The following EPS15 variants were observed in gnomAD, a reference collection of about 807,000 sequenced individuals.
EPS15 encodes the protein epidermal growth factor receptor pathway substrate 15.
A neutral mutation model predicts 113.8 loss-of-function variants in EPS15; 72 were observed. That is an observed-to-expected ratio of 0.63 (90% CI 0.52 to 0.77). The LOEUF is 0.77. Among genes scored for constraint, EPS15 ranks in the 30% least tolerant of loss-of-function variants. EPS15 has a pLI of 0.00. For missense variants in EPS15, 1,048 were observed against 1,045.8 expected (o/e 1.00, Z -0.03); for synonymous variants, 344 against 363.4 (o/e 0.95, Z 0.61).
intron 21 of EPS15, among the ~76,000 whole-genome samples, chr1:51,377,511 C>T (rs532506232): frequency 3.9e-5 from 6 of 152,212 alleles, no homozygotes; most frequent in Admixed American, 2.0e-4. Context: ...GTTGCCTCTA[C>T]AGATAAGAAA....
chr1:51,445,832 C>G (rs546683806), intron 10 of EPS15, among the ~76,000 whole-genome samples: 166 of 152,290 alleles, frequency 1.1e-3, no homozygotes, highest in Non-Finnish European at 2.1e-3. Context: ...TTAGTTTCCT[C>G]ATCTATAAAG....
rs1646209834 is a variant in EPS15, at chr1:51,355,992, C to A, written c.*708G>T. On this transcript the variant is annotated 3_prime_UTR_variant, in exon 25 of 25. Transcript: ENST00000371733. Reference sequence around the variant, plus strand: ...TGATTTTTATTAATTAGCAAACACACTGAGAGGTATCTGTTGATCTAAAAT... The same window carrying A: ...TGATTTTTATTAATTAGCAAACACAATGAGAGGTATCTGTTGATCTAAAAT... 1 of 193,004 alleles carries A rather than the reference C, an allele frequency of 5.2e-6. No individual in the cohort carries two copies. Among genetic ancestry groups the A allele is most frequent in the South Asian group, 1.9e-4 (1 of 5,174 alleles). The allele number at this position is 193,004 out of a possible 1,614,324, so 12.0% of individuals were successfully genotyped here. A position where few individuals can be genotyped will look rare whatever the true frequency, so the allele number is the denominator to read the frequency against.
intron 21 of EPS15, among the ~76,000 whole-genome samples, chr1:51,388,556 T>C (rs908601881): frequency 2.0e-5 from 3 of 151,924 alleles, no homozygotes; most frequent in Admixed American, 6.6e-5. Flanking sequence ...ATCAACGAAA[T>C]TGATAGACCG....
intron 24 of EPS15, 130 bp downstream of exon 24, chr1:51,361,041 G>A (rs1646373170): frequency 5.7e-6 from 4 of 696,932 alleles, no homozygotes; most frequent in Non-Finnish European, 9.6e-6. Flanking sequence ...TTGCTTGGGG[G>A]AAGAATGAAA....
intron 21 of EPS15, among the ~76,000 whole-genome samples, chr1:51,385,618 C>T (rs189841940): frequency 2.0e-5 from 3 of 152,272 alleles, no homozygotes; most frequent in Admixed American, 6.5e-5. Context: ...TTCACAGTAG[C>T]ATTATGCACA....
At chr1:51,479,044 A>C (rs1052139310) in intron 2 of EPS15, among the ~76,000 whole-genome samples, 5 of 152,278 alleles carry the variant, frequency 3.3e-5, no homozygotes, top group East Asian at 1.9e-4. Context: ...TAATATCCTG[A>C]AGAGTGTTTT....
At chr1:51,387,048 A>C (rs1397642019) in intron 21 of EPS15, among the ~76,000 whole-genome samples, 1 of 152,182 alleles carries the variant, frequency 6.6e-6, no homozygotes, top group Non-Finnish European at 1.5e-5. Flanking sequence ...TGAAGGAAAA[A>C]AGGTTAAGGG....
At chr1:51,504,778 C>A (rs72674558) in intron 1 of EPS15, among the ~76,000 whole-genome samples, 4,581 of 152,186 alleles carry the variant, frequency 0.03, 76 homozygotes, top group African/African-American at 0.05. Flanking sequence ...GTGGAGAAAT[C>A]CTCATCCCGG....
At chr1:51,434,957 C>G (rs138760357) in intron 12 of EPS15, among the ~76,000 whole-genome samples, 6,383 of 152,100 alleles carry the variant, frequency 0.042, 202 homozygotes, top group Middle Eastern at 0.11. Flanking sequence ...CAGGCATGAG[C>G]CACTGTGCCT....
At chr1:51,497,996 T>C (rs1644354789) in intron 1 of EPS15, among the ~76,000 whole-genome samples, 1 of 149,616 alleles carries the variant, frequency 6.7e-6, no homozygotes, top group Non-Finnish European at 1.5e-5. Context: ...AAAAAACTAG[T>C]GTGTATTGTG....
intron 11 of EPS15, among the ~76,000 whole-genome samples, chr1:51,442,824 G>C (rs1652698948): frequency 6.6e-6 from 1 of 152,140 alleles, no homozygotes; most frequent in South Asian, 2.1e-4. Flanking sequence ...AACCTTGAGA[G>C]AGAGTAGAGT....
intron 8 of EPS15, among the ~76,000 whole-genome samples, chr1:51,449,433 A>G (rs1250588058): frequency 6.6e-6 from 1 of 152,182 alleles, no homozygotes; most frequent in Non-Finnish European, 1.5e-5. Context: ...CATGGGGCCA[A>G]TGTGAGGGTG....
chr1:51,361,293 G>T lies in EPS15; in HGVS notation c.2422C>A (p.Pro808Thr), dbSNP rs535318118. ...TTGGGGCTATCGTTGCCTGGGAAAG[G>T]CTGAAATGGATCATTCAGTTTAAAG... ...DPFKLNDPFQ[P>T]FPGNDSPKEK... The change falls in exon 24 of 25, where the codon CCT becomes ACT. Residue 808 changes from proline (P) to threonine (T), a missense_variant. Coordinates refer to ENST00000371733, the MANE Select transcript of EPS15 (RefSeq NM_001981.3). The T allele has an allele frequency of 2.5e-5, 41 of 1,613,850 alleles. No individual in the cohort carries two copies. In the South Asian group the frequency reaches 4.5e-4, roughly 18 times the overall value.
intron 15 of EPS15, among the ~76,000 whole-genome samples, chr1:51,406,398 C>T (rs537633905): frequency 6.6e-6 from 1 of 152,198 alleles, no homozygotes; most frequent in African/African-American, 2.4e-5. Flanking sequence ...ATCACTTGAG[C>T]CCAGAGGTCA....
intron 12 of EPS15, among the ~76,000 whole-genome samples, chr1:51,429,700 G>C (rs1651541694): frequency 1.3e-5 from 2 of 150,656 alleles, no homozygotes; most frequent in Admixed American, 1.3e-4. Context: ...GCCCAGGTTG[G>C]AGTGCAGTGG....
chr1:51,393,559 A>G (rs1275517353), intron 21 of EPS15, among the ~76,000 whole-genome samples: 1 of 152,222 alleles, frequency 6.6e-6, no homozygotes, highest in African/African-American at 2.4e-5. Context: ...AATTAGTCAC[A>G]ATTAATACAT....
intron 1 of EPS15, among the ~76,000 whole-genome samples, chr1:51,518,786 T>TGCGGCCGGCCCGCGCGA (rs1553141954): frequency 6.6e-6 from 1 of 150,508 alleles, no homozygotes; most frequent in Admixed American, 6.6e-5. Flanking sequence ...GGCCCGGGGG[T>TGCGGCCGGCCCGCGCGA]GCGGCCGGCC....
At chr1:51,463,360 T>C (rs1335086248) in intron 7 of EPS15, 7 of 180,570 alleles carry the variant, frequency 3.9e-5, no homozygotes, top group African/African-American at 1.6e-4. Flanking sequence ...AGACATAAAA[T>C]ACTGATGGTC....
chr1:51,410,142 T>C (rs764379174), intron 13 of EPS15, among the ~76,000 whole-genome samples: 3 of 151,750 alleles, frequency 2.0e-5, no homozygotes, highest in East Asian at 1.9e-4. Context: ...AGCAGGAGAA[T>C]TGCTTGAACC....
Sources: gnomAD v4.1 joint callset for allele counts (sites outside exome capture counted in the v4.1 genomes callset) on GRCh38, gnomAD v4.1.1 for gene constraint, MANE v1.5 for transcripts, NCBI Gene and HGNC (gene_info 2026-07-23, HGNC 2026-07-21) for gene names.